The following DLG2 variants were observed in gnomAD, a reference collection of about 807,000 sequenced individuals.
DLG2 encodes the protein discs large MAGUK scaffold protein 2.
Under a neutral mutation model 132.5 loss-of-function variants are expected in DLG2, and 45 were observed. The ratio of observed to expected loss-of-function variants is 0.34; its 90% CI spans 0.27 to 0.44. The LOEUF (loss-of-function observed/expected upper bound fraction) is 0.44. DLG2 is among the 20% of genes least tolerant of loss of function. The pLI, the probability that DLG2 is intolerant of heterozygous loss-of-function variation, is 1.00. For missense variants in DLG2, 1,045 were observed against 1,196.9 expected, an observed-to-expected ratio of 0.87 and a Z score of 1.87; for synonymous variants, 424 against 419.6, an observed-to-expected ratio of 1.01 and a Z score of -0.13.
At chr11:84,858,345 C>T (rs2154027020) in intron 6 of DLG2, among the ~76,000 whole-genome samples, 1 of 151,972 alleles carries the variant, frequency 6.6e-6, no homozygotes, top group South Asian at 2.1e-4. Context: ...TTAAGTTACA[C>T]AAAGTGCAAC....
intron 6 of DLG2, among the ~76,000 whole-genome samples, chr11:84,587,383 T>C (rs1226477054): frequency 2.0e-5 from 3 of 152,140 alleles, no homozygotes; most frequent in Non-Finnish European, 4.4e-5. Context: ...ATATCTGACA[T>C]CTCTGTTACA....
At chr11:83,638,487 G>A (rs1001972936) in intron 18 of DLG2, among the ~76,000 whole-genome samples, 3 of 152,150 alleles carry the variant, frequency 2.0e-5, no homozygotes, top group African/African-American at 7.2e-5. Flanking sequence ...TTGGCGCTTG[G>A]TAATGACTGT....
chr11:84,653,057 G>A (rs1343321527), intron 6 of DLG2, among the ~76,000 whole-genome samples: 3 of 151,802 alleles, frequency 2.0e-5, no homozygotes, highest in Admixed American at 2.0e-4. Context: ...AGCCTCCTGA[G>A]TAGCTGGGAT....
At chr11:85,166,375 A>G (rs1268920908) in intron 4 of DLG2, among the ~76,000 whole-genome samples, 2 of 152,142 alleles carry the variant, frequency 1.3e-5, no homozygotes, top group Non-Finnish European at 2.9e-5. Context: ...CCTCTAAAAA[A>G]TCACACTGGT....
intron 7 of DLG2, among the ~76,000 whole-genome samples, chr11:84,527,143 A>G (rs1053022707): frequency 2.0e-5 from 3 of 152,150 alleles, no homozygotes; most frequent in African/African-American, 7.2e-5. Flanking sequence ...TCAACAAATA[A>G]TTTTTAGAAC....
chr11:85,230,119 A>G (rs542022267), intron 4 of DLG2, among the ~76,000 whole-genome samples: 1 of 152,212 alleles, frequency 6.6e-6, no homozygotes, highest in East Asian at 1.9e-4. Flanking sequence ...CCCAGAACTT[A>G]AAGTATTGTT....
intron 6 of DLG2, among the ~76,000 whole-genome samples, chr11:84,602,040 C>A (rs2099577522): frequency 6.6e-6 from 1 of 151,914 alleles, no homozygotes; most frequent in Non-Finnish European, 1.5e-5. Context: ...AATATAAAAG[C>A]ATCAGGAAAC....
Position 84,959,526 on chromosome 11 carries a change from A to G in DLG2, c.357+152135T>C, listed in dbSNP as rs529873152. ...TGCTTCTTCAAGAGTGCTATGACTTATTGGATACAAGACCTCAGTCTTTTA... is the reference window on the plus strand; with the variant it reads ...TGCTTCTTCAAGAGTGCTATGACTTGTTGGATACAAGACCTCAGTCTTTTA... On this transcript the variant is annotated intron_variant, in intron 6 of 27. Transcript: ENST00000376104. 3.9e-5 allele frequency among the ~76,000 whole-genome samples: 6 copies of G among 152,338 alleles called. No individual in the cohort carries two copies. The East Asian group carries it at 1.2e-3, about 29-fold the overall frequency.
intron 21 of DLG2, among the ~76,000 whole-genome samples, chr11:83,519,285 G>T (rs1436380126): frequency 6.6e-6 from 1 of 152,132 alleles, no homozygotes; most frequent in Non-Finnish European, 1.5e-5. Flanking sequence ...CCACAACCAC[G>T]ATTACATTGT....
rs188797683 is a variant in DLG2, at chr11:84,457,607, T to C, written c.519+76963A>G. Among the ~76,000 whole-genome samples the C allele has an allele frequency of 2.0e-5, 3 of 151,070 alleles. No individual in the cohort carries two copies. The East Asian group carries it at 5.8e-4, about 29-fold the overall frequency. On this transcript the variant is annotated intron_variant, in intron 7 of 27. Transcript: ENST00000376104. ...AGAAAATAACATATGCCAAGACTCA[T>C]ATTTCTCTTATTTCCCTGTGAAAAG...
chr11:85,107,303 A>G (rs2071922927), intron 6 of DLG2, among the ~76,000 whole-genome samples: 1 of 152,022 alleles, frequency 6.6e-6, no homozygotes, highest in Non-Finnish European at 1.5e-5. Context: ...AATCATGTGT[A>G]TTTATACTTT....
intron 12 of DLG2, among the ~76,000 whole-genome samples, chr11:83,973,361 TA>T (rs2091682770): frequency 6.6e-6 from 1 of 152,134 alleles, no homozygotes; most frequent in African/African-American, 2.4e-5. Flanking sequence ...TTCTAACCCT[TA>T]AATAAAATAT....
chr11:84,336,838 G>T (rs1206816879), intron 7 of DLG2, among the ~76,000 whole-genome samples: 1 of 152,144 alleles, frequency 6.6e-6, no homozygotes, highest in Non-Finnish European at 1.5e-5. Context: ...TGATGAATTT[G>T]CTGAGTGGAA....
chr11:85,359,863 A>C (rs2084011691), intron 3 of DLG2, among the ~76,000 whole-genome samples: 1 of 152,178 alleles, frequency 6.6e-6, no homozygotes, highest in African/African-American at 2.4e-5. Context: ...CACACAAAAG[A>C]AAAGAAGATT....
chr11:83,543,788 A>G (rs1319542104), intron 19 of DLG2, among the ~76,000 whole-genome samples: 1 of 152,086 alleles, frequency 6.6e-6, no homozygotes, highest in African/African-American at 2.4e-5. Flanking sequence ...AATCTTTTCT[A>G]TAGATTCTAC....
intron 6 of DLG2, among the ~76,000 whole-genome samples, chr11:84,546,018 A>T (rs2099389098): frequency 6.6e-6 from 1 of 152,036 alleles, no homozygotes; most frequent in Admixed American, 6.5e-5. Flanking sequence ...GGCCTCCCGA[A>T]GTGCTGGGAT....
At chr11:84,940,212 A>G (rs1292276861) in intron 6 of DLG2, among the ~76,000 whole-genome samples, 1 of 152,188 alleles carries the variant, frequency 6.6e-6, no homozygotes, top group East Asian at 1.9e-4. Flanking sequence ...ATGCAGTTGC[A>G]CAATCTCAGC....
chr11:84,171,313 G>C (rs1034171459), intron 8 of DLG2, among the ~76,000 whole-genome samples: 3 of 152,136 alleles, frequency 2.0e-5, no homozygotes, highest in Admixed American at 2.0e-4. Flanking sequence ...ATATTGCTTA[G>C]TGGTGAAGTC....
At chr11:83,504,739 A>T (rs1004143043) in intron 21 of DLG2, among the ~76,000 whole-genome samples, 3 of 152,174 alleles carry the variant, frequency 2.0e-5, no homozygotes, top group African/African-American at 7.2e-5. Context: ...TGCCGCTTCC[A>T]CTTCCACCCG....
Sources: allele counts gnomAD v4.1 joint callset (sites outside exome capture counted in the v4.1 genomes callset), GRCh38; gene constraint gnomAD v4.1.1; transcripts MANE v1.5; gene names NCBI Gene and HGNC (gene_info 2026-07-23, HGNC 2026-07-21).